The following RIN3 variants were observed in gnomAD, a reference collection of about 807,000 sequenced individuals.
The protein encoded by RIN3 is Ras and Rab interactor 3.
Under a neutral mutation model 76.3 loss-of-function variants are expected in RIN3, and 54 were observed. That is an observed-to-expected ratio of 0.71 (90% CI 0.57 to 0.89). RIN3 has a LOEUF of 0.89. Ranked by LOEUF, RIN3 falls within the 40% of genes least tolerant of loss-of-function variation. The pLI is 0.00. For missense variants in RIN3, 1,256 were observed against 1,322.1 expected, an observed-to-expected ratio of 0.95 and a Z score of 0.78; for synonymous variants, 576 against 564.0, an observed-to-expected ratio of 1.02 and a Z score of -0.30.
intron 5 of RIN3, 95 bp from the exon 6 acceptor site, chr14:92,651,487 T>TA: frequency 3.7e-6 from 2 of 534,672 alleles, no homozygotes; most frequent in Non-Finnish European, 3.3e-6. Context: ...TGAACAGCCC[T>TA]CCCACCCGTG....
chr14:92,540,674 C>T (rs1420644339), intron 1 of RIN3, among the ~76,000 whole-genome samples: 1 of 152,218 alleles, frequency 6.6e-6, no homozygotes, highest in Non-Finnish European at 1.5e-5. Flanking sequence ...CAGCTTCACA[C>T]ACGTCTAGGA....
intron 2 of RIN3, among the ~76,000 whole-genome samples, chr14:92,575,904 A>G (rs1014551994): frequency 4.2e-5 from 6 of 144,376 alleles, no homozygotes; most frequent in Non-Finnish European, 7.7e-5. Flanking sequence ...CCCAACCCCT[A>G]TTCAAGATGG....
chr14:92,604,220 C>T (rs1430038228), intron 3 of RIN3, among the ~76,000 whole-genome samples: 4 of 152,228 alleles, frequency 2.6e-5, no homozygotes, highest in African/African-American at 9.6e-5. Flanking sequence ...CCATGGGGCC[C>T]TGCAGGCGCC....
At chr14:92,614,354 C>A (rs1357533629) in intron 3 of RIN3, among the ~76,000 whole-genome samples, 6 of 152,186 alleles carry the variant, frequency 3.9e-5, no homozygotes, top group Non-Finnish European at 8.8e-5. Flanking sequence ...TCCTCCTGGC[C>A]TCTACTGGGC....
intron 2 of RIN3, among the ~76,000 whole-genome samples, chr14:92,570,593 C>A (rs1362874901): frequency 6.7e-6 from 1 of 149,280 alleles, no homozygotes; most frequent in Non-Finnish European, 1.5e-5. Context: ...ACTCTGGAGG[C>A]AAAGGTTGCA....
intron 6 of RIN3, among the ~76,000 whole-genome samples, chr14:92,655,632 A>T (rs1887641021): frequency 1.3e-5 from 2 of 152,246 alleles, no homozygotes; most frequent in South Asian, 4.1e-4. Flanking sequence ...ACTCAGACTC[A>T]GTGTGAGGCT....
chr14:92,613,198 G>T (rs1595456097), intron 3 of RIN3, among the ~76,000 whole-genome samples: 1 of 152,128 alleles, frequency 6.6e-6, no homozygotes, highest in Admixed American at 6.5e-5. Flanking sequence ...CCTCTCTGCT[G>T]CCGGAAGTCT....
At position 92,661,760 on chromosome 14, in the gene RIN3, A is replaced by ACACACACACACACACACAC. The variant is rs1419895576; in HGVS notation, c.2335+2291_2335+2292insCACACACACACACACACAC. Among the ~76,000 whole-genome samples the ACACACACACACACACACAC allele has an allele frequency of 2.6e-3, 336 of 127,996 alleles. 1 individual carries two copies. The highest frequency in any genetic ancestry group is 8.0e-3 in the African/African-American group (256 of 31,896). The allele number at this position is 127,996 out of a possible 152,430, so 84.0% of individuals were successfully genotyped here. ...ACACACACACACACACACACACACAAAAAATAGAATTGTGCTCCCCAAAAG... is the reference window on the plus strand; with the variant it reads ...ACACACACACACACACACACACACAACACACACACACACACACACAAAATAGAATTGTGCTCCCCAAAAG... On this transcript the variant is annotated intron_variant, in intron 7 of 9. Transcript: ENST00000216487.
At position 92,684,967 on chromosome 14, in the gene RIN3, C is replaced by T. The variant is rs752220585; in HGVS notation, c.2468-20C>T. On this transcript the variant is annotated intron_variant, in intron 8 of 9. Coordinates refer to ENST00000216487, the MANE Select transcript of RIN3 (RefSeq NM_024832.5). Reference sequence around the variant, plus strand: ...GGCGGAGGCGGTCCTGGCTCAGATTCCACACCCTTGTCCACGCAGGTTCCT... The same window carrying T: ...GGCGGAGGCGGTCCTGGCTCAGATTTCACACCCTTGTCCACGCAGGTTCCT... 24 of 1,598,878 alleles carry T rather than the reference C, an allele frequency of 1.5e-5. No homozygotes were observed. Among genetic ancestry groups the T allele is most frequent in the Admixed American group, 3.4e-5 (2 of 59,698 alleles).
In RIN3 at chr14:92,685,356, A is replaced by T. The variant is rs561957650; in HGVS notation, c.2631+206A>T. ...CCAGGACTTGGGTGCGTCTAGAAAC[A>T]TATCAGCAGGCATTGGTGTTCTCCC... On this transcript the variant is annotated intron_variant, in intron 9 of 9. Transcript: ENST00000216487. The surrounding 1 kb of genome is among the most constrained non-coding windows in gnomAD (Gnocchi z 4.7). 1.7e-6 allele frequency: 1 copy of T among 575,786 alleles called. No homozygotes were observed. Among genetic ancestry groups the T allele is most frequent in the Non-Finnish European group, 3.1e-6 (1 of 323,556 alleles). 35.7% of individuals were successfully genotyped at this position (575,786 alleles called of 1,614,324 possible).
At chr14:92,628,913 C>G (rs1380116354) in intron 4 of RIN3, among the ~76,000 whole-genome samples, 1 of 151,836 alleles carries the variant, frequency 6.6e-6, no homozygotes, top group Non-Finnish European at 1.5e-5. Context: ...TTCCAAGGAG[C>G]TACTGGGAAA....
At chr14:92,613,200 C>T (rs1345977183) in intron 3 of RIN3, among the ~76,000 whole-genome samples, 1 of 152,130 alleles carries the variant, frequency 6.6e-6, no homozygotes, top group Non-Finnish European at 1.5e-5. Flanking sequence ...TCTCTGCTGC[C>T]GGAAGTCTTT....
chr14:92,619,050 T>G (rs529024728), intron 4 of RIN3, among the ~76,000 whole-genome samples: 48 of 152,112 alleles, frequency 3.2e-4, no homozygotes, highest in Admixed American at 6.6e-4. Context: ...TTATAATTGA[T>G]AGCATATACT....
At position 92,688,734 on chromosome 14, in the gene RIN3, G is replaced by C. The variant is rs1053054994; in HGVS notation, c.*482G>C. 6.3e-6 allele frequency: 1 copy of C among 159,528 alleles called. No homozygotes were observed. Among genetic ancestry groups the C allele is most frequent in the African/African-American group, 2.4e-5 (1 of 41,590 alleles). The allele number at this position is 159,528 out of a possible 1,614,324, so 9.9% of individuals were successfully genotyped here. A position where few individuals can be genotyped will look rare whatever the true frequency, so the allele number is the denominator to read the frequency against. Reference sequence around the variant, plus strand: ...ATCTCAGGAGCACCTCAGGGTGTCGGTTAAGAGACAGGCCTCCACCCCTGC... The same window carrying C: ...ATCTCAGGAGCACCTCAGGGTGTCGCTTAAGAGACAGGCCTCCACCCCTGC... On this transcript the variant is annotated 3_prime_UTR_variant, in exon 10 of 10. Coordinates refer to ENST00000216487, the MANE Select transcript of RIN3 (RefSeq NM_024832.5).
chr14:92,570,788 T>G (rs10134299), intron 2 of RIN3, among the ~76,000 whole-genome samples: 30,337 of 151,950 alleles, frequency 0.2, 3,649 homozygotes, highest in South Asian at 0.32. Context: ...GAAGGTGAAG[T>G]TAAGGTTTTA....
At chr14:92,556,959 C>CTAAGA (rs1897602161) in intron 2 of RIN3, among the ~76,000 whole-genome samples, 1 of 152,064 alleles carries the variant, frequency 6.6e-6, no homozygotes, top group Non-Finnish European at 1.5e-5. Flanking sequence ...TGTGGTACAA[C>CTAAGA]CACCACCTCT....
intron 8 of RIN3, among the ~76,000 whole-genome samples, chr14:92,683,897 G>T (rs2140177507): frequency 6.6e-6 from 1 of 152,238 alleles, no homozygotes; most frequent in East Asian, 1.9e-4. Flanking sequence ...GCATATCAAA[G>T]TTCCTTAATT....
intron 3 of RIN3, among the ~76,000 whole-genome samples, chr14:92,607,533 T>C (rs1276654764): frequency 1.3e-5 from 2 of 152,182 alleles, no homozygotes; most frequent in Non-Finnish European, 2.9e-5. Context: ...CACTTGAGCC[T>C]GGGAGGTTGA....
intron 2 of RIN3, among the ~76,000 whole-genome samples, chr14:92,571,893 G>A (rs919005348): frequency 1.8e-4 from 28 of 152,182 alleles, no homozygotes; most frequent in African/African-American, 5.8e-4. Flanking sequence ...CCTCCTATTC[G>A]CAGGGGGAGT....
Sources: allele counts gnomAD v4.1 joint callset (sites outside exome capture counted in the v4.1 genomes callset), GRCh38; gene constraint gnomAD v4.1.1; non-coding constraint Gnocchi (gnomAD v3.1); transcripts MANE v1.5; gene names NCBI Gene and HGNC (gene_info 2026-07-23, HGNC 2026-07-21).